Variants in SANBR observed in about 807,000 individuals in gnomAD.
SANBR encodes the protein SANT and BTB domain regulator of CSR.
SANBR carries 77 observed loss-of-function variants against 101.8 expected under a neutral mutation model. That is an observed-to-expected ratio of 0.76 (90% confidence interval 0.63 to 0.91). The LOEUF (loss-of-function observed/expected upper bound fraction) is 0.91, where lower values mean the gene tolerates loss of function less well. Ranked by LOEUF, SANBR falls within the 40% of genes least tolerant of loss-of-function variation. The pLI is 0.00. For synonymous variants in SANBR, 279 were observed against 274.7 expected, an observed-to-expected ratio of 1.02 and a Z score of -0.15; for missense variants, 875 against 853.0, an observed-to-expected ratio of 1.03 and a Z score of -0.32.
chr2:61,113,411 T>C (rs1300884712), intron 16 of SANBR, among the ~76,000 whole-genome samples: 2 of 152,218 alleles, frequency 1.3e-5, no homozygotes, highest in African/African-American at 4.8e-5. Context: ...TATACCAATT[T>C]GGGGTGAATT....
rs1372548791 is a variant in SANBR, at chr2:61,065,956, G to A, written c.-218G>A. Reference sequence around the variant, plus strand: ...GCGGGCTCGGTAGCGGCAGCTTCAGGGCGCGAGCGCGGGCGGTGCCGACCA... The same window carrying A: ...GCGGGCTCGGTAGCGGCAGCTTCAGAGCGCGAGCGCGGGCGGTGCCGACCA... On this transcript the variant is annotated 5_prime_UTR_variant, in exon 1 of 22. Coordinates refer to ENST00000402291, the MANE Select transcript of SANBR (RefSeq NM_001129993.3). 6.6e-6 allele frequency: 1 copy of A among 152,238 alleles called. No homozygotes were observed. The highest frequency in any genetic ancestry group is 1.5e-5 in the Non-Finnish European group (1 of 68,154). 9.4% of individuals were successfully genotyped at this position (152,238 alleles called of 1,614,324 possible). A position where few individuals can be genotyped will look rare whatever the true frequency, so the allele number is the denominator to read the frequency against.
chr2:61,107,500 G>T (rs1683629142), intron 14 of SANBR, among the ~76,000 whole-genome samples: 1 of 152,164 alleles, frequency 6.6e-6, no homozygotes, highest in Non-Finnish European at 1.5e-5. Context: ...AAGGACCAGG[G>T]AATATATTTG....
chr2:61,102,527 A>G (rs1193128084), intron 12 of SANBR, among the ~76,000 whole-genome samples: 1 of 151,956 alleles, frequency 6.6e-6, no homozygotes, highest in African/African-American at 2.4e-5. Context: ...ATTTACCACA[A>G]TGACTAAATT....
chr2:61,072,684 T>G (rs979706535), intron 4 of SANBR, among the ~76,000 whole-genome samples: 7 of 152,024 alleles, frequency 4.6e-5, no homozygotes, highest in Non-Finnish European at 1.0e-4. Context: ...TCTACTCTAA[T>G]CTACTGGCCT....
chr2:61,083,159 A>G lies in SANBR; in HGVS notation c.735A>G (p.Glu245=), dbSNP rs1381208097. The change falls in exon 8 of 22, where the codon GAA becomes GAG. Residue 245 remains glutamate (E), a synonymous_variant. Transcript: ENST00000402291. The part of the protein sequence containing the change: ...SEFLKMDSLV[E]QCIQYCHKNM... ...TATTTTCTATGATTTTTTAGGTTGA[A>G]CAGTGTATTCAGTATTGCCACAAAA... 6.2e-7 allele frequency: 1 copy of G among 1,606,720 alleles called. No individual in the cohort carries two copies. The highest frequency in any genetic ancestry group is 8.5e-7 in the Non-Finnish European group (1 of 1,175,646).
chr2:61,130,232 C>T (rs1316291226), intron 20 of SANBR, among the ~76,000 whole-genome samples: 2 of 151,902 alleles, frequency 1.3e-5, no homozygotes, highest in African/African-American at 2.4e-5. Flanking sequence ...AGTTGTTGCT[C>T]CAGGCAACAA....
chr2:61,073,663 C>T (rs1681602408), intron 5 of SANBR, 112 bp downstream of exon 5: 1 of 550,954 alleles, frequency 1.8e-6, no homozygotes, highest in Non-Finnish European at 3.2e-6. Flanking sequence ...ATTGCTGAAA[C>T]TACTGGAATC....
chr2:61,073,595 C>G (rs769590213), intron 5 of SANBR, 44 bp downstream of exon 5: 1 of 1,083,106 alleles, frequency 9.2e-7, no homozygotes, highest in South Asian at 1.4e-5. Context: ...ATATTAATAT[C>G]AACTTCATAA....
intron 13 of SANBR, 94 bp downstream of exon 13, chr2:61,104,092 C>T: frequency 9.1e-7 from 1 of 1,098,134 alleles, no homozygotes; most frequent in Admixed American, 2.3e-5. Flanking sequence ...CGTCAGTCCT[C>T]AAGTAGTTTT....
downstream of SANBR, among the ~76,000 whole-genome samples, chr2:61,126,072 T>C (rs1440820284): frequency 6.6e-6 from 1 of 152,210 alleles, no homozygotes; most frequent in African/African-American, 2.4e-5. Flanking sequence ...GGAGTACCAG[T>C]AGGTATCTCC....
In SANBR at chr2:61,106,564, G is replaced by A. The variant is rs1683578134; in HGVS notation, c.1513G>A (p.Asp505Asn). 1.3e-6 allele frequency: 2 copies of A among 1,581,474 alleles called. No homozygotes were observed. Among genetic ancestry groups the A allele is most frequent in the African/African-American group, 1.4e-5 (1 of 73,202 alleles). ...VVPFSKDTVSDVGVGLCDEKG... is the reference protein window; with the variant it reads ...VVPFSKDTVSNVGVGLCDEKG... ...GTAAAAATGTCTTTTTCTTTCAAGT[G>A]ATGTTGGGGTTGGCCTCTGTGATGA... Residue 505 changes from aspartate to asparagine, a missense_variant and splice_region_variant, in exon 14 of 22, where the codon GAT (aspartate) becomes AAT (asparagine). By Grantham distance (23) the Asp-to-Asn change is conservative. Transcript: ENST00000402291.
At chr2:61,117,265 C>T in intron 17 of SANBR, 92 bp from the exon 18 acceptor site, 2 of 1,195,390 alleles carry the variant, frequency 1.7e-6, no homozygotes, top group Non-Finnish European at 2.5e-6. Context: ...TGTCTTCACA[C>T]TCAGTAAGAG....
chr2:61,130,209 A>G (rs888930104), intron 20 of SANBR, among the ~76,000 whole-genome samples: 1 of 152,086 alleles, frequency 6.6e-6, no homozygotes, highest in Non-Finnish European at 1.5e-5. Flanking sequence ...ATATATTTTT[A>G]AATTATTTCC....
Position 61,065,938 on chromosome 2 carries a change from C to A in SANBR, c.-236C>A, listed in dbSNP as rs1223808394. ...GGCGCTGCGGACGGGGTTGCGGGCT[C>A]GGTAGCGGCAGCTTCAGGGCGCGAG... On this transcript the variant is annotated 5_prime_UTR_variant, in exon 1 of 22. Transcript: ENST00000402291. The A allele has an allele frequency of 6.6e-6, 1 of 152,182 alleles. No homozygotes were observed. Among genetic ancestry groups the A allele is most frequent in the African/African-American group, 2.4e-5 (1 of 41,384 alleles). The allele number at this position is 152,182 out of a possible 1,614,324, so 9.4% of individuals were successfully genotyped here. A position where few individuals can be genotyped will look rare whatever the true frequency, so the allele number is the denominator to read the frequency against.
intron 13 of SANBR, among the ~76,000 whole-genome samples, chr2:61,105,172 G>T (rs1683495667): frequency 6.6e-6 from 1 of 151,998 alleles, no homozygotes; most frequent in South Asian, 2.1e-4. Flanking sequence ...CTTGAGGTCA[G>T]GAGTTTGAGA....
At chr2:61,132,153 GCAAA>G (rs911442525) in intron 20 of SANBR, among the ~76,000 whole-genome samples, 6 of 152,036 alleles carry the variant, frequency 3.9e-5, no homozygotes, top group African/African-American at 1.4e-4. Flanking sequence ...CAAGCAACAA[GCAAA>G]CAAATAAATA....
intron 6 of SANBR, among the ~76,000 whole-genome samples, chr2:61,079,192 A>G (rs910560656): frequency 6.6e-6 from 1 of 152,202 alleles, no homozygotes; most frequent in Non-Finnish European, 1.5e-5. Flanking sequence ...CACATAAAGA[A>G]AAACCCTTTA....
intron 20 of SANBR, among the ~76,000 whole-genome samples, chr2:61,118,596 G>A (rs1684194055): frequency 8.3e-6 from 1 of 120,412 alleles, no homozygotes; most frequent in Admixed American, 8.9e-5. Context: ...TTGAGATGGA[G>A]TCTCACTCAC....
chr2:61,137,220 G>C (rs1684878811), intron 21 of SANBR, among the ~76,000 whole-genome samples: 1 of 152,082 alleles, frequency 6.6e-6, no homozygotes, highest in African/African-American at 2.4e-5. Context: ...CAAGGCTGTA[G>C]TGAGTGATAA....
Sources: allele counts gnomAD v4.1 joint callset (sites outside exome capture counted in the v4.1 genomes callset), GRCh38; gene constraint gnomAD v4.1.1; transcripts MANE v1.5; gene names NCBI Gene and HGNC (gene_info 2026-07-23, HGNC 2026-07-21).